The following EPHA10 variants were observed in gnomAD, a reference collection of about 807,000 sequenced individuals.
EPHA10 encodes EPH receptor A10.
Under a neutral mutation model 109.7 loss-of-function variants are expected in EPHA10, and 120 were observed. The observed-to-expected ratio is 1.09, with a 90% CI of 0.94 to 1.27. The LOEUF (loss-of-function observed/expected upper bound fraction) is 1.27, where lower values mean the gene tolerates loss of function less well. EPHA10 is among the 50% of genes most tolerant of loss of function. EPHA10 has a pLI of 0.00. For missense variants in EPHA10, 1,396 were observed against 1,411.1 expected (o/e 0.99, Z 0.17); for synonymous variants, 640 against 618.9 (o/e 1.03, Z -0.51).
intron 5 of EPHA10, among the ~76,000 whole-genome samples, chr1:37,740,556 C>T (rs910262740): frequency 2.6e-5 from 4 of 152,192 alleles, no homozygotes; most frequent in East Asian, 3.8e-4. Flanking sequence ...CCGCCCACCC[C>T]GGCCTCCCAA....
Position 37,741,210 on chromosome 1 carries a change from C to T in EPHA10, c.1358-5820G>A, listed in dbSNP as rs116703680. Among the ~76,000 whole-genome samples the T allele has an allele frequency of 3.4e-3, 521 of 152,338 alleles. 4 individuals are homozygous for T. The highest frequency in any genetic ancestry group is 0.012 in the African/African-American group (496 of 41,568). On this transcript the variant is annotated intron_variant, in intron 5 of 16. Transcript: ENST00000373048. ...TTATGAAGTAATGTGTTATGAGGGA[C>T]TGAGCGAGTGCTCAGCACCAGCATT...
At position 37,735,312 on chromosome 1, in the gene EPHA10, G is replaced by GGGATGGGCTCCCGCCAC; in HGVS notation, c.1419_1435dup (p.Pro479ArgfsTer35). 6.4e-7 allele frequency: 1 copy of GGGATGGGCTCCCGCCAC among 1,561,432 alleles called. No individual in the cohort carries two copies. The highest frequency in any genetic ancestry group is 8.7e-7 in the Non-Finnish European group (1 of 1,152,528). ...GTCATTGGCCCCAGGGGCTCCGGCA[G>GGGATGGGCTCCCGCCAC]GGATGGGCTCCCGCCACGACAGGGA... On this transcript the variant is annotated frameshift_variant, in exon 6 of 17. Coordinates refer to ENST00000373048, the MANE Select transcript of EPHA10 (RefSeq NM_001099439.2). LOFTEE classifies it high-confidence loss of function.
At chr1:37,715,831 C>T (rs7512242), downstream of EPHA10, 122,736 of 499,026 alleles carry the variant, frequency 0.25, 15,687 homozygotes, top group Non-Finnish European at 0.27. Context: ...ACATCTTTCA[C>T]GGCAGGAGCA....
In EPHA10 at chr1:37,764,878, G is replaced by A. The variant is rs1452195933; in HGVS notation, c.106+83C>T. The A allele has an allele frequency of 3.2e-6, 4 of 1,259,300 alleles. No homozygotes were observed. The highest frequency in any genetic ancestry group is 4.4e-6 in the Non-Finnish European group (4 of 900,146). 78.0% of individuals were successfully genotyped at this position (1,259,300 alleles called of 1,614,324 possible). Reference sequence around the variant, plus strand: ...CAATACAGACTCTAGTCTCTCCAATGACTCCTTCCCCCAGAACCCCCATCG... The same window carrying A: ...CAATACAGACTCTAGTCTCTCCAATAACTCCTTCCCCCAGAACCCCCATCG... On this transcript the variant is annotated intron_variant, in intron 1 of 16. Coordinates refer to ENST00000373048, the MANE Select transcript of EPHA10 (RefSeq NM_001099439.2). This position sits in a 1 kb window ranked among gnomAD's most constrained non-coding sequence, Gnocchi z 5.8.
intron 7 of EPHA10, among the ~76,000 whole-genome samples, chr1:37,727,428 G>A (rs1645913038): frequency 1.3e-5 from 2 of 152,312 alleles, no homozygotes; most frequent in Admixed American, 1.3e-4. Context: ...CACCTCCACA[G>A]CAGCCCAGCT....
At chr1:37,719,118 C>A in intron 15 of EPHA10, 1 of 590,664 alleles carries the variant, frequency 1.7e-6, no homozygotes, top group South Asian at 2.1e-5. Context: ...ATTAATTTCA[C>A]ATATTTGATT....
chr1:37,727,374 T>G (rs569481587), intron 7 of EPHA10, among the ~76,000 whole-genome samples, 164 bp from the exon 8 acceptor site: 40 of 152,348 alleles, frequency 2.6e-4, no homozygotes, highest in South Asian at 8.3e-4. Context: ...CTGACCACAG[T>G]GGCACCTGGA....
downstream of EPHA10, chr1:37,715,824 T>A (rs1645681938): frequency 2.0e-6 from 1 of 496,038 alleles, no homozygotes; most frequent in Non-Finnish European, 4.0e-6. Context: ...TCCTGGGACA[T>A]CTTTCACGGC....
chr1:37,740,121 T>G (rs187290484), intron 5 of EPHA10, among the ~76,000 whole-genome samples: 30 of 152,126 alleles, frequency 2.0e-4, no homozygotes, highest in Middle Eastern at 3.4e-3. Context: ...TTATATCCTT[T>G]GGACAACGTA....
chr1:37,734,514 A>G (rs1260098771), intron 6 of EPHA10: 1 of 410,922 alleles, frequency 2.4e-6, no homozygotes, highest in African/African-American at 2.1e-5. Context: ...AGCCTGGGTG[A>G]CAAGAATGAA....
At chr1:37,729,186 A>G (rs888042339) in intron 7 of EPHA10, among the ~76,000 whole-genome samples, 1 of 152,204 alleles carries the variant, frequency 6.6e-6, no homozygotes, top group African/African-American at 2.4e-5. Flanking sequence ...CAAGACCCTG[A>G]GCAGGGAGGT....
At chr1:37,720,195 A>T in intron 13 of EPHA10, 137 bp from the exon 14 acceptor site, 1 of 1,411,088 alleles carries the variant, frequency 7.1e-7, no homozygotes, top group Non-Finnish European at 9.5e-7. Flanking sequence ...TGGGAAAGAC[A>T]GAAAAGCTGA....
At chr1:37,762,163 T>C (rs961123860) in intron 2 of EPHA10, 80 bp from the exon 3 acceptor site, 10 of 1,337,404 alleles carry the variant, frequency 7.5e-6, no homozygotes, top group African/African-American at 1.5e-5. Context: ...GACTCCTGCT[T>C]TCTCTCTCAT....
rs774398881 is a variant in EPHA10 at position 37,754,232 on chromosome 1, G to T, written c.989C>A (p.Pro330His). ...DSYARSPTDP[P>H]SASCTRPPSA... The stretch of plus-strand genomic sequence containing the variant: ...GGACTCACGGGTGCAGGAAGCCGAG[G>T]GCGGGTCGGTGGGTGAGCGCGCATA... Residue 330 changes from proline (P) to histidine (H), a missense_variant, in exon 4 of 17, where the codon CCC becomes CAC. Coordinates refer to ENST00000373048, the MANE Select transcript of EPHA10 (RefSeq NM_001099439.2). The surrounding 1 kb of genome is among the most constrained non-coding windows in gnomAD (Gnocchi z 4.5). 23 of 1,308,000 alleles carry T rather than the reference G, an allele frequency of 1.8e-5. No homozygotes were observed. The highest frequency in any genetic ancestry group is 2.5e-5 in the South Asian group (1 of 39,240). The allele number at this position is 1,308,000 out of a possible 1,614,324, so 81.0% of individuals were successfully genotyped here. A position where few individuals can be genotyped will look rare whatever the true frequency, so the allele number is the denominator to read the frequency against.
At chr1:37,757,064 C>A (rs2148368616) in intron 3 of EPHA10, among the ~76,000 whole-genome samples, 1 of 152,248 alleles carries the variant, frequency 6.6e-6, no homozygotes. Flanking sequence ...CTGGCTCAAG[C>A]AATCCTCCTG....
At chr1:37,755,369 A>C (rs1646385710) in intron 3 of EPHA10, among the ~76,000 whole-genome samples, 1 of 151,948 alleles carries the variant, frequency 6.6e-6, no homozygotes, top group Non-Finnish European at 1.5e-5. Flanking sequence ...CCATCATGTG[A>C]GTGAGTGTGT....
intron 15 of EPHA10, 39 bp downstream of exon 15, chr1:37,719,375 G>A (rs772144361): frequency 7.5e-6 from 12 of 1,600,110 alleles, no homozygotes; most frequent in South Asian, 2.2e-5. Flanking sequence ...GGCCCTCCAC[G>A]GACAGGTGAG....
At chr1:37,745,023 C>T (rs568565340) in intron 5 of EPHA10, among the ~76,000 whole-genome samples, 49 of 152,184 alleles carry the variant, frequency 3.2e-4, no homozygotes, top group African/African-American at 1.1e-3. Flanking sequence ...GATGCGTCTG[C>T]GAGCCAAGGA....
chr1:37,750,137 T>A (rs1557553726), intron 5 of EPHA10, among the ~76,000 whole-genome samples: 2 of 151,408 alleles, frequency 1.3e-5, no homozygotes, highest in Non-Finnish European at 2.9e-5. Context: ...TATTAATAGT[T>A]GTTTTTATCT....
Sources: gnomAD v4.1 joint callset for allele counts (sites outside exome capture counted in the v4.1 genomes callset) on GRCh38, gnomAD v4.1.1 for gene constraint, Gnocchi (gnomAD v3.1) non-coding constraint, MANE v1.5 for transcripts, NCBI Gene and HGNC (gene_info 2026-07-23, HGNC 2026-07-21) for gene names.